Variants in SLIT2 observed in about 807,000 individuals in gnomAD.
The protein encoded by SLIT2 is slit guidance ligand 2.
A neutral mutation model predicts 185.7 loss-of-function variants in SLIT2; 41 were observed. The ratio of observed to expected loss-of-function variants is 0.22; its 90% CI spans 0.17 to 0.29. The LOEUF is 0.29. Among genes scored for constraint, SLIT2 ranks in the 10% least tolerant of loss-of-function variants. The probability of loss-of-function intolerance (pLI) is 1.00; values close to 1 mark genes in which losing one functional copy is unlikely to be tolerated. For synonymous variants in SLIT2, 693 were observed against 680.2 expected, an observed-to-expected ratio of 1.02 and a Z score of -0.29; for missense variants, 1,571 against 1,909.0, an observed-to-expected ratio of 0.82 and a Z score of 3.30.
chr4:20,472,255 G>GATATATATCTATATAT (rs1191025385), intron 5 of SLIT2, among the ~76,000 whole-genome samples: 4 of 21,890 alleles, frequency 1.8e-4, no homozygotes, highest in South Asian at 4.2e-3. Flanking sequence ...TCTATATATA[G>GATATATATCTATATAT]ATCTATATAT....
At chr4:20,469,258 G>T (rs1431057846) in intron 5 of SLIT2, among the ~76,000 whole-genome samples, 1 of 152,048 alleles carries the variant, frequency 6.6e-6, no homozygotes, top group Non-Finnish European at 1.5e-5. Context: ...GGCAATAGCT[G>T]CAGTTGACCA....
chr4:20,518,100 C>CACATATATATACATAT (rs1372620071), intron 11 of SLIT2, among the ~76,000 whole-genome samples: 4 of 126,592 alleles, frequency 3.2e-5, no homozygotes, highest in African/African-American at 8.0e-5. Context: ...TATATACACA[C>CACATATATATACATAT]ACATATATAT....
intron 29 of SLIT2, among the ~76,000 whole-genome samples, chr4:20,585,694 C>T (rs907146890): frequency 3.3e-5 from 5 of 152,102 alleles, no homozygotes; most frequent in South Asian, 2.1e-4. Context: ...TCTGTATAGT[C>T]GAATAAAGAA....
intron 34 of SLIT2, among the ~76,000 whole-genome samples, chr4:20,610,976 A>G (rs1019034009): frequency 2.0e-5 from 3 of 152,212 alleles, no homozygotes; most frequent in Non-Finnish European, 1.5e-5. Flanking sequence ...TCTTGCCTCT[A>G]TTTGGAGGAA....
intron 4 of SLIT2, among the ~76,000 whole-genome samples, chr4:20,271,591 T>A (rs969153099): frequency 6.6e-6 from 1 of 150,716 alleles, no homozygotes; most frequent in South Asian, 2.1e-4. Flanking sequence ...TAGGATTTAC[T>A]TCCTCTGTAT....
intron 3 of SLIT2, among the ~76,000 whole-genome samples, chr4:20,258,972 TG>T (rs1712153840): frequency 6.6e-6 from 1 of 151,654 alleles, no homozygotes. Context: ...AGTAGAAAAA[TG>T]GTTTGTCCCC....
At chr4:20,465,509 A>G (rs191434314) in intron 4 of SLIT2, among the ~76,000 whole-genome samples, 1 of 152,228 alleles carries the variant, frequency 6.6e-6, no homozygotes, top group Non-Finnish European at 1.5e-5. Flanking sequence ...CAGAGCTGAG[A>G]CCCCATAGTG....
At chr4:20,356,582 G>C (rs1722342885) in intron 4 of SLIT2, among the ~76,000 whole-genome samples, 2 of 152,298 alleles carry the variant, frequency 1.3e-5, no homozygotes, top group South Asian at 2.1e-4. Flanking sequence ...AAAGAACATA[G>C]AGAATACATT....
chr4:20,373,390 T>G lies in SLIT2; in HGVS notation c.396-94362T>G, dbSNP rs531226319. On this transcript the variant is annotated intron_variant, in intron 4 of 36. Coordinates refer to ENST00000504154, the MANE Select transcript of SLIT2 (RefSeq NM_004787.4). ...CATTTATAAAATAATTTCTCCTATT[T>G]GCTTTGAAGGAAATTTTAAAGAGAT... Among the ~76,000 whole-genome samples the G allele has an allele frequency of 5.6e-4, 86 of 152,224 alleles. No homozygotes were observed. In the South Asian group the frequency reaches 0.014, roughly 25 times the overall value.
chr4:20,463,821 A>G (rs534093241), intron 4 of SLIT2, among the ~76,000 whole-genome samples: 1 of 149,952 alleles, frequency 6.7e-6, no homozygotes, highest in East Asian at 2.0e-4. Flanking sequence ...GCTTGCAGTG[A>G]GCCGAGATGG....
intron 4 of SLIT2, among the ~76,000 whole-genome samples, chr4:20,413,613 G>A (rs1411581584): frequency 6.6e-6 from 1 of 151,676 alleles, no homozygotes; most frequent in Non-Finnish European, 1.5e-5. Context: ...TTTTTATTTT[G>A]GAGCTCTGTT....
Position 20,468,831 on chromosome 4 carries a change from C to T in SLIT2, c.467+1008C>T, listed in dbSNP as rs553576227. On this transcript the variant is annotated intron_variant, in intron 5 of 36. Coordinates refer to ENST00000504154, the MANE Select transcript of SLIT2 (RefSeq NM_004787.4). ...AGAATTAACTTATATTCAGAATTCTCCATGGTTGGATCCAATGCCTTTTTT... is the reference window on the plus strand; with the variant it reads ...AGAATTAACTTATATTCAGAATTCTTCATGGTTGGATCCAATGCCTTTTTT... Among the ~76,000 whole-genome samples, 128 of 148,888 alleles carry T rather than the reference C, an allele frequency of 8.6e-4. No individual in the cohort carries two copies. The South Asian group carries it at 0.017, about 20-fold the overall frequency.
intron 4 of SLIT2, among the ~76,000 whole-genome samples, chr4:20,331,160 G>A (rs940319959): frequency 3.9e-5 from 6 of 152,066 alleles, no homozygotes; most frequent in Admixed American, 2.0e-4. Flanking sequence ...TACTAGACAT[G>A]CCTTTTTGAA....
intron 5 of SLIT2, among the ~76,000 whole-genome samples, chr4:20,475,051 C>A (rs760908472): frequency 1.3e-5 from 2 of 151,896 alleles, no homozygotes; most frequent in Non-Finnish European, 2.9e-5. Context: ...TTATTAAATG[C>A]TGTAACATCC....
chr4:20,542,853 TGTGTGTGTGC>T (rs66622951), intron 21 of SLIT2, among the ~76,000 whole-genome samples: 17,674 of 115,144 alleles, frequency 0.15, 1,246 homozygotes, highest in East Asian at 0.32. Context: ...TGTGTGTGTG[TGTGTGTGTGC>T]GCTATAAGAT....
intron 4 of SLIT2, among the ~76,000 whole-genome samples, chr4:20,399,707 A>G (rs1422533992): frequency 6.6e-6 from 1 of 151,754 alleles, no homozygotes; most frequent in Admixed American, 6.6e-5. Context: ...ATATCAAACA[A>G]TTAATTGCTA....
chr4:20,570,492 C>G (rs1210554919), intron 29 of SLIT2, among the ~76,000 whole-genome samples: 2 of 151,742 alleles, frequency 1.3e-5, no homozygotes, highest in African/African-American at 4.8e-5. Flanking sequence ...CTAATTTAGA[C>G]TTCTCCAAGA....
intron 29 of SLIT2, 70 bp from the exon 30 acceptor site, chr4:20,589,574 A>C: frequency 8.5e-7 from 1 of 1,171,008 alleles, no homozygotes. Context: ...ACCCATGACA[A>C]TGACACAGTC....
chr4:20,577,991 G>A (rs1726215620), intron 29 of SLIT2, among the ~76,000 whole-genome samples: 1 of 152,156 alleles, frequency 6.6e-6, no homozygotes, highest in South Asian at 2.1e-4. Flanking sequence ...AGGGAAATCT[G>A]GAAATGAACA....
Sources: gnomAD v4.1 joint callset for allele counts (sites outside exome capture counted in the v4.1 genomes callset) on GRCh38, gnomAD v4.1.1 for gene constraint, MANE v1.5 for transcripts, NCBI Gene and HGNC (gene_info 2026-07-23, HGNC 2026-07-21) for gene names.